Variants in ITPR2 observed in about 807,000 individuals in gnomAD.
The protein encoded by ITPR2 is inositol 1,4,5-trisphosphate-gated calcium channel ITPR2.
Under a neutral mutation model 317.1 loss-of-function variants are expected in ITPR2, and 207 were observed. The ratio of observed to expected loss-of-function variants is 0.65; its 90% CI spans 0.58 to 0.73. ITPR2 has a LOEUF of 0.73. Among genes scored for constraint, ITPR2 ranks in the 30% least tolerant of loss-of-function variants. The pLI is 0.00. For missense variants in ITPR2, 2,613 were observed against 3,284.0 expected (o/e 0.80, Z 4.99); for synonymous variants, 1,156 against 1,149.1 (o/e 1.01, Z -0.12).
intron 26 of ITPR2, among the ~76,000 whole-genome samples, chr12:26,619,643 G>C (rs1371256695): frequency 2.0e-5 from 3 of 152,110 alleles, no homozygotes; most frequent in Non-Finnish European, 4.4e-5. Context: ...CTACTGCCAT[G>C]ATGCCGTCAG....
intron 13 of ITPR2, among the ~76,000 whole-genome samples, chr12:26,669,754 A>C (rs1314157530): frequency 1.3e-5 from 2 of 152,270 alleles, no homozygotes; most frequent in Non-Finnish European, 2.9e-5. Context: ...GCATTGCCTC[A>C]CTCAGGAAGC....
chr12:26,446,813 A>G (rs1941619560), intron 45 of ITPR2, among the ~76,000 whole-genome samples: 1 of 151,466 alleles, frequency 6.6e-6, no homozygotes, highest in Non-Finnish European at 1.5e-5. Flanking sequence ...TCATGATTAG[A>G]TAAGCCATCT....
chr12:26,473,812 C>T (rs1035799537), intron 45 of ITPR2, among the ~76,000 whole-genome samples: 3 of 152,154 alleles, frequency 2.0e-5, no homozygotes, highest in Non-Finnish European at 2.9e-5. Context: ...CTCTCTAAAA[C>T]GACACCTTTT....
chr12:26,631,263 A>G (rs547065236), intron 22 of ITPR2, among the ~76,000 whole-genome samples: 1 of 152,358 alleles, frequency 6.6e-6, no homozygotes, highest in African/African-American at 2.4e-5. Context: ...ACCAATGGGC[A>G]TGAAATAATA....
intron 4 of ITPR2, among the ~76,000 whole-genome samples, chr12:26,723,120 T>G (rs1170561892): frequency 6.6e-6 from 1 of 152,160 alleles, no homozygotes; most frequent in Non-Finnish European, 1.5e-5. Flanking sequence ...TTCTCAGATT[T>G]TTTTGGACTT....
chr12:26,383,221 C>A (rs970523588), intron 55 of ITPR2, among the ~76,000 whole-genome samples: 3 of 152,172 alleles, frequency 2.0e-5, no homozygotes, highest in Non-Finnish European at 4.4e-5. Flanking sequence ...TGAGGCCTCA[C>A]CAGAAGCTGA....
chr12:26,516,889 GA>G (rs1013044813), intron 37 of ITPR2, among the ~76,000 whole-genome samples: 6 of 151,026 alleles, frequency 4.0e-5, no homozygotes, highest in Non-Finnish European at 8.9e-5. Flanking sequence ...GAACGTAAAA[GA>G]AAAAAAAGAC....
chr12:26,490,307 A>G (rs1213438366), intron 39 of ITPR2, among the ~76,000 whole-genome samples: 1 of 152,264 alleles, frequency 6.6e-6, no homozygotes, highest in Non-Finnish European at 1.5e-5. Context: ...AATGGACACC[A>G]AATGTCCCAG....
At chr12:26,419,373 G>A (rs1258147010) in intron 49 of ITPR2, 160 bp from the exon 50 acceptor site, 2 of 626,610 alleles carry the variant, frequency 3.2e-6, no homozygotes, top group Admixed American at 3.3e-5. Context: ...TATTCATAAA[G>A]TTCATGACTT....
At chr12:26,443,918 T>C (rs932126748) in intron 45 of ITPR2, among the ~76,000 whole-genome samples, 1 of 152,154 alleles carries the variant, frequency 6.6e-6, no homozygotes, top group African/African-American at 2.4e-5. Context: ...TGATACATAA[T>C]TGACACTGTC....
intron 23 of ITPR2, 77 bp downstream of exon 23, chr12:26,627,956 G>T: frequency 2.3e-6 from 3 of 1,277,704 alleles, no homozygotes; most frequent in Non-Finnish European, 3.2e-6. Flanking sequence ...ATATAATTAT[G>T]TTTTAAAATA....
At chr12:26,672,726 CA>C (rs1235468717) in intron 13 of ITPR2, among the ~76,000 whole-genome samples, 1 of 151,896 alleles carries the variant, frequency 6.6e-6, no homozygotes, top group Non-Finnish European at 1.5e-5. Context: ...GAAATAGACA[CA>C]AAAAACCCTT....
At chr12:26,702,094 CACAG>C (rs1450632163) in intron 9 of ITPR2, among the ~76,000 whole-genome samples, 2 of 152,158 alleles carry the variant, frequency 1.3e-5, no homozygotes, top group Non-Finnish European at 2.9e-5. Flanking sequence ...CTTTCTCCCT[CACAG>C]ACATAGTTGT....
At chr12:26,507,293 G>C (rs976355165) in intron 37 of ITPR2, among the ~76,000 whole-genome samples, 7 of 152,180 alleles carry the variant, frequency 4.6e-5, no homozygotes, top group African/African-American at 1.4e-4. Context: ...TGAGGTCTCA[G>C]TTCAAACAAA....
Position 26,717,828 on chromosome 12 carries a change from C to G in ITPR2, c.526-1586G>C, listed in dbSNP as rs543440290. Among the ~76,000 whole-genome samples the G allele has an allele frequency of 1.3e-3, 205 of 152,258 alleles. 3 individuals are homozygous for G. Among genetic ancestry groups the G allele is most frequent in the African/African-American group, 5.3e-4 (22 of 41,538 alleles). The stretch of plus-strand genomic sequence containing the variant: ...CTATCTTTGAACCATGAATTGGTAT[C>G]CCTTTTAAAAATTAAATTATGAGCA... On this transcript the variant is annotated intron_variant, in intron 5 of 56. Transcript: ENST00000381340.
At chr12:26,796,510 G>A (rs942392831) in intron 1 of ITPR2, among the ~76,000 whole-genome samples, 4 of 152,186 alleles carry the variant, frequency 2.6e-5, no homozygotes, top group African/African-American at 9.7e-5. Context: ...GCTATAGAGA[G>A]TAGAAATTAG....
At chr12:26,351,656 A>T (rs1349898783) in intron 55 of ITPR2, among the ~76,000 whole-genome samples, 7 of 152,096 alleles carry the variant, frequency 4.6e-5, no homozygotes, top group Admixed American at 1.3e-4. Flanking sequence ...CCCTGTCTCA[A>T]AAAAGGAAGA....
intron 37 of ITPR2, among the ~76,000 whole-genome samples, chr12:26,534,110 C>T (rs921678966): frequency 6.6e-5 from 10 of 152,220 alleles, no homozygotes; most frequent in East Asian, 3.9e-4. Flanking sequence ...CCAGCCATCA[C>T]GTCAGTGGCC....
intron 45 of ITPR2, among the ~76,000 whole-genome samples, chr12:26,461,941 C>T (rs981880620): frequency 1.3e-5 from 2 of 149,106 alleles, no homozygotes; most frequent in Non-Finnish European, 3.0e-5. Flanking sequence ...TTTCCCTTTC[C>T]GAAGCCTGAC....
Sources: gnomAD v4.1 joint callset for allele counts (sites outside exome capture counted in the v4.1 genomes callset) on GRCh38, gnomAD v4.1.1 for gene constraint, MANE v1.5 for transcripts, NCBI Gene and HGNC (gene_info 2026-07-23, HGNC 2026-07-21) for gene names.